KCNT1: variants seen among roughly 807,000 people sequenced by gnomAD.
KCNT1 encodes the protein potassium channel subfamily T member 1.
Under a neutral mutation model 147.8 loss-of-function variants are expected in KCNT1, and 78 were observed. That is an observed-to-expected ratio of 0.53 (90% CI 0.44 to 0.64). The LOEUF (loss-of-function observed/expected upper bound fraction) is 0.64. Among genes scored for constraint, KCNT1 ranks in the 30% least tolerant of loss-of-function variants. The pLI is 0.00. For missense variants in KCNT1, 1,419 were observed against 1,750.3 expected (o/e 0.81, Z 3.38); for synonymous variants, 867 against 748.8 (o/e 1.16, Z -2.58).
chr9:135,752,764 T>A lies in KCNT1; in HGVS notation c.435-1173T>A, dbSNP rs1831257046. The stretch of plus-strand genomic sequence containing the variant: ...TGGATGGAATAGATGGATGGAGGGA[T>A]GAGTGGATGGGTGGATGATGGATGG... On this transcript the variant is annotated intron_variant, in intron 4 of 30. Transcript: ENST00000371757. The surrounding 1 kb of genome is among the most constrained non-coding windows in gnomAD (Gnocchi z 5.1). Among the ~76,000 whole-genome samples the A allele has an allele frequency of 6.8e-6, 1 of 147,302 alleles. No individual in the cohort carries two copies. The highest frequency in any genetic ancestry group is 1.5e-5 in the Non-Finnish European group (1 of 67,004).
chr9:135,731,967 T>TAC (rs1197430932), intron 2 of KCNT1, among the ~76,000 whole-genome samples: 16 of 18,524 alleles, frequency 8.6e-4, no homozygotes, highest in African/African-American at 3.4e-3. Flanking sequence ...CGTGTATATA[T>TAC]ATATATATAT....
chr9:135,705,440 C>G (rs746924111), intron 1 of KCNT1, among the ~76,000 whole-genome samples: 4 of 152,254 alleles, frequency 2.6e-5, no homozygotes, highest in Admixed American at 6.5e-5. Flanking sequence ...CCTGGGCGCT[C>G]CGTGAGCCAG....
chr9:135,781,104 T>C (rs1833578650), intron 24 of KCNT1, among the ~76,000 whole-genome samples: 1 of 152,218 alleles, frequency 6.6e-6, no homozygotes, highest in Non-Finnish European at 1.5e-5. Flanking sequence ...ACTGGGGCTC[T>C]GTGTTGCCGG....
chr9:135,720,652 C>A (rs2131340482), intron 2 of KCNT1, among the ~76,000 whole-genome samples: 1 of 152,276 alleles, frequency 6.6e-6, no homozygotes, highest in African/African-American at 2.4e-5. Flanking sequence ...GGGCGGGGGT[C>A]CTGCCTGTAC....
intron 2 of KCNT1, chr9:135,736,981 CT>C (rs1399257499): frequency 1.0e-5 from 3 of 293,758 alleles, no homozygotes; most frequent in Non-Finnish European, 1.9e-5. Flanking sequence ...GGACCCCCCA[CT>C]CCCCCCACGT....
chr9:135,714,499 G>A lies in KCNT1; in HGVS notation c.111-78G>A, dbSNP rs1365478747. 5.4e-6 allele frequency: 5 copies of A among 926,072 alleles called. No individual in the cohort carries two copies. The highest frequency in any genetic ancestry group is 6.4e-6 in the Non-Finnish European group (5 of 778,528). 57.4% of individuals were successfully genotyped at this position (926,072 alleles called of 1,614,324 possible). On this transcript the variant is annotated intron_variant, in intron 1 of 30. Coordinates refer to ENST00000371757, the MANE Select transcript of KCNT1 (RefSeq NM_020822.3). This position sits in a 1 kb window ranked among gnomAD's most constrained non-coding sequence, Gnocchi z 6.2. ...GGCCGCGGGCTGCGCTGCGCGGGCCGGGCCTGGCGGGCCGGGGGCTGCGCG... is the reference window on the plus strand; with the variant it reads ...GGCCGCGGGCTGCGCTGCGCGGGCCAGGCCTGGCGGGCCGGGGGCTGCGCG...
intron 11 of KCNT1, among the ~76,000 whole-genome samples, chr9:135,760,799 G>A (rs756168439): frequency 7.9e-5 from 12 of 152,234 alleles, no homozygotes; most frequent in Non-Finnish European, 1.6e-4. Context: ...GTTCAGATGG[G>A]GCCGTGCGCG....
chr9:135,768,270 GGT>G lies in KCNT1; in HGVS notation c.1338-338_1338-337del, dbSNP rs1467131847. 7.3e-3 allele frequency among the ~76,000 whole-genome samples: 117 copies of G among 16,046 alleles called. 13 individuals carry two copies. Among genetic ancestry groups the G allele is most frequent in the Non-Finnish European group, 0.016 (100 of 6,240 alleles). 10.5% of individuals were successfully genotyped at this position (16,046 alleles called of 152,430 possible). A position where few individuals can be genotyped will look rare whatever the true frequency, so the allele number is the denominator to read the frequency against. On this transcript the variant is annotated intron_variant, in intron 13 of 30. Transcript: ENST00000371757. ...GGGGGGGGGGGGGCACTGGGATACCGGTGGGGGGGGCACAGGGATGCCTGCTG... is the reference window on the plus strand; with the variant it reads ...GGGGGGGGGGGGGCACTGGGATACCGGGGGGGGGCACAGGGATGCCTGCTG...
At position 135,750,037 on chromosome 9, in the gene KCNT1, C is replaced by T. The variant is rs1030934422; in HGVS notation, c.255-61C>T. ...AAGTCAGTCAGGTTGGGGCTCCCGG[C>T]GTGTCCCCAGCCTGAGTCCCCACTG... On this transcript the variant is annotated intron_variant, in intron 2 of 30. Transcript: ENST00000371757. The T allele has an allele frequency of 6.6e-6, 9 of 1,370,312 alleles. No homozygotes were observed. In the Admixed American group the frequency reaches 6.8e-5, roughly 10 times the overall value. The allele number at this position is 1,370,312 out of a possible 1,614,324, so 84.9% of individuals were successfully genotyped here. A position where few individuals can be genotyped will look rare whatever the true frequency, so the allele number is the denominator to read the frequency against.
chr9:135,776,267 G>T (rs1056166591), intron 20 of KCNT1, among the ~76,000 whole-genome samples: 2 of 151,640 alleles, frequency 1.3e-5, no homozygotes, highest in Non-Finnish European at 2.9e-5. Flanking sequence ...TTGTTGTTTG[G>T]TTTTTTTTAA....
chr9:135,779,524 GA>G, intron 24 of KCNT1, 54 bp downstream of exon 24: 1 of 1,331,682 alleles, frequency 7.5e-7, no homozygotes, highest in Non-Finnish European at 1.1e-6. Context: ...GAAAGAGTGG[GA>G]GAAAGGGGCT....
chr9:135,704,931 T>G (rs1285244053), intron 1 of KCNT1, among the ~76,000 whole-genome samples: 2 of 151,728 alleles, frequency 1.3e-5, no homozygotes, highest in East Asian at 3.9e-4. Flanking sequence ...GGCCCAGGAG[T>G]GGCCACAGTA....
chr9:135,717,414 T>A (rs1835764100), intron 2 of KCNT1, among the ~76,000 whole-genome samples: 1 of 152,020 alleles, frequency 6.6e-6, no homozygotes, highest in East Asian at 1.9e-4. Flanking sequence ...GTGGAGATGG[T>A]GGCCTTGGGC....
At chr9:135,750,319 T>G in intron 3 of KCNT1, 142 bp downstream of exon 3, 2 of 664,044 alleles carry the variant, frequency 3.0e-6, no homozygotes, top group South Asian at 1.6e-5. Context: ...GCGGGGGCAT[T>G]TGGAAGCAGG....
intron 1 of KCNT1, among the ~76,000 whole-genome samples, chr9:135,713,925 T>A (rs1056076426): frequency 2.0e-5 from 3 of 152,174 alleles, no homozygotes; most frequent in African/African-American, 7.2e-5. Context: ...CTTTGATCCC[T>A]CACCTGGTGA....
chr9:135,764,507 G>T (rs889928503), intron 11 of KCNT1, among the ~76,000 whole-genome samples: 2 of 152,180 alleles, frequency 1.3e-5, no homozygotes, highest in South Asian at 2.1e-4. Flanking sequence ...AGTGGGGCCG[G>T]TGCTGGGAGG....
intron 2 of KCNT1, among the ~76,000 whole-genome samples, chr9:135,733,250 G>GCACCTGC (rs1311220944): frequency 2.4e-5 from 1 of 42,360 alleles, no homozygotes; most frequent in Non-Finnish European, 4.3e-5. Context: ...ACCTGCCCCT[G>GCACCTGC]CACCTGCCCC....
At position 135,784,035 on chromosome 9, in the gene KCNT1, G is replaced by A; in HGVS notation, c.2853G>A (p.Glu951=). 1 of 1,606,566 alleles carries A rather than the reference G, an allele frequency of 6.2e-7. No homozygotes were observed. The highest frequency in any genetic ancestry group is 1.3e-5 in the African/African-American group (1 of 75,054). ...CTCCTTTCCCACAGAGGGAGCGAGA[G>A]AATGGCTCCAACCTGGCCTTCATGT... ...ALSKLEKRER[E]NGSNLAFMFR... is the part of the protein sequence containing the mutation. Residue 951 remains glutamate, a synonymous_variant, in exon 25 of 31, where the codon GAG becomes GAA. Transcript: ENST00000371757.
At chr9:135,773,145 G>A (rs1372208478) in intron 19 of KCNT1, among the ~76,000 whole-genome samples, 196 bp downstream of exon 19, 2 of 152,206 alleles carry the variant, frequency 1.3e-5, no homozygotes, top group African/African-American at 4.8e-5. Flanking sequence ...CACCCTCGTC[G>A]CCGGGGAGCA....
Sources: gnomAD v4.1 joint callset for allele counts (sites outside exome capture counted in the v4.1 genomes callset) on GRCh38, gnomAD v4.1.1 for gene constraint, Gnocchi (gnomAD v3.1) non-coding constraint, MANE v1.5 for transcripts, NCBI Gene and HGNC (gene_info 2026-07-23, HGNC 2026-07-21) for gene names.